ABITRAM: variants seen among roughly 807,000 people sequenced by gnomAD.
ABITRAM encodes protein Abitram.
A neutral mutation model predicts 22.9 loss-of-function variants in ABITRAM; 19 were observed. The observed-to-expected ratio is 0.83, with a 90% CI of 0.58 to 1.22. The LOEUF (loss-of-function observed/expected upper bound fraction) is 1.22, where lower values mean the gene tolerates loss of function less well. ABITRAM is among the 50% of genes most tolerant of loss of function. ABITRAM has a pLI of 0.00. For synonymous variants in ABITRAM, 70 were observed against 73.9 expected (o/e 0.95, Z 0.27); for missense variants, 215 against 220.2 (o/e 0.98, Z 0.15).
intron 3 of ABITRAM, among the ~76,000 whole-genome samples, chr9:108,946,689 T>C (rs1359008523): frequency 6.6e-6 from 1 of 152,240 alleles, no homozygotes; most frequent in Non-Finnish European, 1.5e-5. Context: ...AGCTTTGCTT[T>C]GTTCACTTTT....
intron 3 of ABITRAM, among the ~76,000 whole-genome samples, chr9:108,950,248 T>C (rs1830520624): frequency 6.6e-6 from 1 of 152,200 alleles, no homozygotes; most frequent in Non-Finnish European, 1.5e-5. Context: ...TTATTGTGGG[T>C]AAACACAGGA....
At chr9:108,948,593 A>T (rs1252730934) in intron 3 of ABITRAM, among the ~76,000 whole-genome samples, 1 of 152,206 alleles carries the variant, frequency 6.6e-6, no homozygotes, top group Non-Finnish European at 1.5e-5. Context: ...TGGAAAGAGG[A>T]TCAAACCAAA....
At chr9:108,941,897 A>G (rs1404247132), downstream of ABITRAM, among the ~76,000 whole-genome samples, 1 of 152,214 alleles carries the variant, frequency 6.6e-6, no homozygotes, top group Non-Finnish European at 1.5e-5. Context: ...AAACTCCTAA[A>G]TTAAAAAGAC....
chr9:108,935,771 T>A (rs778940557), intron 2 of ABITRAM, 82 bp downstream of exon 2: 2 of 846,522 alleles, frequency 2.4e-6, no homozygotes, highest in Non-Finnish European at 3.9e-6. Flanking sequence ...GGTCTTGGAT[T>A]GAACAAATGT....
intron 3 of ABITRAM, among the ~76,000 whole-genome samples, chr9:108,936,859 GA>G (rs1056818791): frequency 9.0e-5 from 13 of 143,986 alleles, no homozygotes; most frequent in Admixed American, 2.1e-4. Flanking sequence ...AAGGGAGTTA[GA>G]AAAAAAAAAA....
intron 5 of ABITRAM, 43 bp from the exon 6 acceptor site, chr9:108,939,502 GTTTT>G: frequency 6.3e-7 from 1 of 1,589,986 alleles, no homozygotes; most frequent in African/African-American, 1.4e-5. Context: ...CCTTTTATTG[GTTTT>G]TTTTTCATCG....
intron 3 of ABITRAM, chr9:108,950,485 C>G: frequency 2.6e-6 from 4 of 1,546,228 alleles, no homozygotes; most frequent in South Asian, 1.2e-5. Context: ...TAACTCCTAT[C>G]ATTTCTGCCT....
intron 3 of ABITRAM, among the ~76,000 whole-genome samples, chr9:108,947,328 T>C (rs531888211): frequency 2.0e-5 from 3 of 152,278 alleles, no homozygotes; most frequent in African/African-American, 7.2e-5. Context: ...TTAGCCAAGA[T>C]GGTCTCGATC....
In ABITRAM at chr9:108,939,809, G is replaced by T; in HGVS notation, c.*123G>T. 4.4e-6 allele frequency: 5 copies of T among 1,136,328 alleles called. No individual in the cohort carries two copies. In the South Asian group the frequency reaches 8.1e-5, roughly 18 times the overall value. The allele number at this position is 1,136,328 out of a possible 1,614,324, so 70.4% of individuals were successfully genotyped here. A position where few individuals can be genotyped will look rare whatever the true frequency, so the allele number is the denominator to read the frequency against. On this transcript the variant is annotated 3_prime_UTR_variant, in exon 6 of 6. Transcript: ENST00000322940. ...TAACAGCCAGCCATATGCAGGGGAG[G>T]CCTAGTGCTTCACTTAGTTTTCCCT... is the stretch of plus-strand genomic sequence containing the variant.
chr9:108,942,124 A>G (rs1176074145), downstream of ABITRAM, among the ~76,000 whole-genome samples: 1 of 152,232 alleles, frequency 6.6e-6, no homozygotes, highest in Non-Finnish European at 1.5e-5. Context: ...AACTAGAACC[A>G]AAAACCCATC....
chr9:108,938,215 C>T (rs1288686951), intron 3 of ABITRAM, among the ~76,000 whole-genome samples: 1 of 152,134 alleles, frequency 6.6e-6, no homozygotes. Flanking sequence ...CCCTTCCTTC[C>T]AAAAGCAGAA....
At chr9:108,941,609 G>T (rs563747144), downstream of ABITRAM, among the ~76,000 whole-genome samples, 3 of 152,282 alleles carry the variant, frequency 2.0e-5, no homozygotes, top group Admixed American at 6.5e-5. Flanking sequence ...ATATTGACTA[G>T]CTGTGGTCAA....
downstream of ABITRAM, chr9:108,943,668 T>C (rs758269751): frequency 1.0e-5 from 16 of 1,565,110 alleles, no homozygotes; most frequent in Admixed American, 1.1e-4. Flanking sequence ...CAGATAAAGA[T>C]AGATGTGTGA....
In ABITRAM at chr9:108,939,926, C is replaced by CT; in HGVS notation, c.*241dup. On this transcript the variant is annotated 3_prime_UTR_variant, in exon 6 of 6. Coordinates refer to ENST00000322940, the MANE Select transcript of ABITRAM (RefSeq NM_017832.4). ...ACTCACACTGTTCTCTTGCATCTCT[C>CT]TAACAACTGGCATGCAAGGCATGTT... The CT allele has an allele frequency of 2.6e-6, 1 of 391,200 alleles. No homozygotes were observed. Among genetic ancestry groups the CT allele is most frequent in the Non-Finnish European group, 4.5e-6 (1 of 220,424 alleles). 24.2% of individuals were successfully genotyped at this position (391,200 alleles called of 1,614,324 possible).
downstream of ABITRAM, among the ~76,000 whole-genome samples, chr9:108,942,390 T>C (rs1422865681): frequency 6.6e-6 from 1 of 152,254 alleles, no homozygotes; most frequent in South Asian, 2.1e-4. Context: ...ACTGTATGTT[T>C]GCTGCTGACA....
intron 3 of ABITRAM, among the ~76,000 whole-genome samples, chr9:108,937,289 G>A (rs7027263): frequency 0.22 from 33,216 of 152,068 alleles, 4,454 homozygotes; most frequent in East Asian, 0.3. Flanking sequence ...CACAACACTC[G>A]GTTATATAGA....
downstream of ABITRAM, chr9:108,943,184 G>A: frequency 1.3e-6 from 1 of 772,870 alleles, no homozygotes; most frequent in Admixed American, 3.1e-5. Flanking sequence ...TTAGGCACAT[G>A]AGCTGACTCA....
intron 3 of ABITRAM, among the ~76,000 whole-genome samples, chr9:108,938,809 A>T (rs12344593): frequency 0.072 from 10,997 of 152,214 alleles, 477 homozygotes; most frequent in Admixed American, 0.13. Flanking sequence ...TCTTAATGAA[A>T]CTAACTTTAT....
chr9:108,938,484 C>A (rs943478343), intron 3 of ABITRAM, among the ~76,000 whole-genome samples: 3 of 152,146 alleles, frequency 2.0e-5, no homozygotes, highest in African/African-American at 7.2e-5. Flanking sequence ...CCAGGTATAT[C>A]CATCTAGTGG....
Sources: allele counts gnomAD v4.1 joint callset (sites outside exome capture counted in the v4.1 genomes callset), GRCh38; gene constraint gnomAD v4.1.1; transcripts MANE v1.5; gene names NCBI Gene and HGNC (gene_info 2026-07-23, HGNC 2026-07-21).